Variants in RBMS3 observed in about 807,000 individuals in gnomAD.
RBMS3 encodes RNA-binding motif, single-stranded-interacting protein 3.
RBMS3 carries 27 observed loss-of-function variants against 66.8 expected under a neutral mutation model. That is an observed-to-expected ratio of 0.40 (90% CI 0.30 to 0.56). RBMS3 has a LOEUF of 0.56. RBMS3 is among the 20% of genes least tolerant of loss of function. RBMS3 has a pLI of 0.40. For synonymous variants in RBMS3, 188 were observed against 183.0 expected, an observed-to-expected ratio of 1.03 and a Z score of -0.22; for missense variants, 513 against 549.5, an observed-to-expected ratio of 0.93 and a Z score of 0.66.
At chr3:29,360,101 T>G (rs906791027) in intron 1 of RBMS3, among the ~76,000 whole-genome samples, 5 of 152,188 alleles carry the variant, frequency 3.3e-5, no homozygotes, top group Admixed American at 3.3e-4. Context: ...TCTGAATGTG[T>G]TTGCTCTTGT....
intron 7 of RBMS3, among the ~76,000 whole-genome samples, chr3:29,878,872 T>C (rs980762320): frequency 3.3e-5 from 5 of 151,842 alleles, no homozygotes; most frequent in Admixed American, 1.3e-4. Flanking sequence ...TGAGACCCCA[T>C]CTCTACAAAA....
At chr3:29,708,044 T>TTCCGTTTAGAGAGTA (rs1363525228) in intron 4 of RBMS3, among the ~76,000 whole-genome samples, 1 of 152,210 alleles carries the variant, frequency 6.6e-6, no homozygotes, top group Admixed American at 6.5e-5. Flanking sequence ...TGATTGCACC[T>TTCCGTTTAGAGAGTA]TCCGTTTAGA....
intron 4 of RBMS3, among the ~76,000 whole-genome samples, chr3:29,593,188 TA>T (rs1302063823): frequency 1.3e-5 from 2 of 152,132 alleles, no homozygotes; most frequent in Non-Finnish European, 2.9e-5. Flanking sequence ...GTGTATTCAA[TA>T]GAATATTCTA....
At chr3:29,955,299 T>C (rs1695958442) in intron 12 of RBMS3, among the ~76,000 whole-genome samples, 1 of 152,018 alleles carries the variant, frequency 6.6e-6, no homozygotes, top group African/African-American at 2.4e-5. Flanking sequence ...TTTGAGTCTA[T>C]CATCCAATGC....
chr3:29,577,342 T>C (rs917021286), intron 3 of RBMS3, among the ~76,000 whole-genome samples: 3 of 152,198 alleles, frequency 2.0e-5, no homozygotes, highest in Admixed American at 6.5e-5. Flanking sequence ...GACACTTTCA[T>C]TGCTGTGAGC....
chr3:29,583,161 T>G (rs9825821), intron 3 of RBMS3, among the ~76,000 whole-genome samples: 38,473 of 151,994 alleles, frequency 0.25, 6,144 homozygotes, highest in East Asian at 0.43. Context: ...TTCAGAGAAC[T>G]CTCAGGGTGT....
intron 10 of RBMS3, among the ~76,000 whole-genome samples, chr3:29,915,491 A>G (rs1339951593): frequency 6.6e-6 from 1 of 151,892 alleles, no homozygotes; most frequent in South Asian, 2.1e-4. Context: ...TCTCTGTTCT[A>G]TTTGACATTT....
intron 6 of RBMS3, among the ~76,000 whole-genome samples, chr3:29,859,345 C>A (rs1312631407): frequency 5.3e-5 from 8 of 152,100 alleles, no homozygotes. Context: ...TTGCCCCATT[C>A]CAAAATGATA....
At chr3:29,319,366 C>T (rs2034875491) in intron 1 of RBMS3, among the ~76,000 whole-genome samples, 1 of 152,016 alleles carries the variant, frequency 6.6e-6, no homozygotes, top group African/African-American at 2.4e-5. Flanking sequence ...AGAATCTATT[C>T]TTCTTTAACT....
intron 6 of RBMS3, among the ~76,000 whole-genome samples, chr3:29,860,279 G>A (rs764961471): frequency 1.1e-4 from 17 of 152,304 alleles, no homozygotes; most frequent in Middle Eastern, 3.4e-3. Context: ...GGCCCCAGAC[G>A]TTCTTAAAGC....
At chr3:29,996,096 A>G (rs907096102) in intron 14 of RBMS3, among the ~76,000 whole-genome samples, 7 of 151,888 alleles carry the variant, frequency 4.6e-5, no homozygotes, top group African/African-American at 1.5e-4. Context: ...ATGGAAAACA[A>G]AAAAAGGCAG....
intron 1 of RBMS3, among the ~76,000 whole-genome samples, chr3:29,412,524 G>A (rs566722122): frequency 6.6e-6 from 1 of 152,194 alleles, no homozygotes; most frequent in African/African-American, 2.4e-5. Context: ...TAATATAATT[G>A]GGGGTTAGGT....
chr3:29,556,974 A>G (rs919084524), intron 3 of RBMS3, among the ~76,000 whole-genome samples: 1 of 152,038 alleles, frequency 6.6e-6, no homozygotes, highest in Non-Finnish European at 1.5e-5. Flanking sequence ...TTAGGCCAAA[A>G]CCACCCTCCA....
intron 6 of RBMS3, among the ~76,000 whole-genome samples, chr3:29,818,405 G>T (rs980479655): frequency 2.0e-5 from 3 of 150,530 alleles, no homozygotes; most frequent in Non-Finnish European, 3.0e-5. Context: ...TTTTCTATTA[G>T]TTCTCAATAA....
intron 1 of RBMS3, among the ~76,000 whole-genome samples, chr3:29,311,819 A>G (rs1389963280): frequency 1.3e-5 from 2 of 151,790 alleles, no homozygotes; most frequent in African/African-American, 4.8e-5. Flanking sequence ...TGAAGAAATA[A>G]AACATGTCCA....
At chr3:29,869,458 T>G (rs977494344) in intron 7 of RBMS3, among the ~76,000 whole-genome samples, 3 of 152,014 alleles carry the variant, frequency 2.0e-5, no homozygotes, top group Admixed American at 1.3e-4. Context: ...GATATCTGTT[T>G]ATATATGTAT....
intron 4 of RBMS3, among the ~76,000 whole-genome samples, chr3:29,618,284 C>T (rs970784105): frequency 2.1e-4 from 32 of 152,112 alleles, no homozygotes; most frequent in African/African-American, 7.2e-4. Context: ...CCCCTGAGGT[C>T]AAGAGTTCAA....
At chr3:29,520,781 T>C (rs1228643058) in intron 3 of RBMS3, among the ~76,000 whole-genome samples, 1 of 152,196 alleles carries the variant, frequency 6.6e-6, no homozygotes, top group African/African-American at 2.4e-5. Context: ...TATTTCTTCA[T>C]GGGGTTCCAG....
intron 3 of RBMS3, among the ~76,000 whole-genome samples, chr3:29,534,467 C>T (rs2045476914): frequency 6.6e-6 from 1 of 152,122 alleles, no homozygotes; most frequent in South Asian, 2.1e-4. Flanking sequence ...AATTCATACT[C>T]TGTAATAGGG....
Sources: allele counts gnomAD v4.1 joint callset (sites outside exome capture counted in the v4.1 genomes callset), GRCh38; gene constraint gnomAD v4.1.1; transcripts MANE v1.5; gene names NCBI Gene and HGNC (gene_info 2026-07-23, HGNC 2026-07-21).